Variants in TNFSF4 observed in about 807,000 individuals in gnomAD.
TNFSF4 encodes the protein tumor necrosis factor ligand superfamily member 4.
Under a neutral mutation model 7.3 loss-of-function variants are expected in TNFSF4, and 4 were observed. The observed-to-expected ratio is 0.55, with a 90% CI of 0.27 to 1.25. The LOEUF is 1.25. Ranked by LOEUF, TNFSF4 falls within the 50% of genes most tolerant of loss-of-function variation. The pLI is 0.12. For missense variants in TNFSF4, 181 were observed against 208.8 expected (o/e 0.87, Z 0.82); for synonymous variants, 76 against 83.7 (o/e 0.91, Z 0.50).
At chr1:173,357,700 T>C in the TNFSF4 span, among the ~76,000 whole-genome samples, 1 of 152,048 alleles carries the variant, frequency 6.6e-6, no homozygotes, top group African/African-American at 2.4e-5. Context: ...CCTAGCTAAT[T>C]TTTGTATTTT....
At chr1:173,337,316 T>C in the TNFSF4 span, among the ~76,000 whole-genome samples, 1 of 152,120 alleles carries the variant, frequency 6.6e-6, no homozygotes, top group Non-Finnish European at 1.5e-5. Context: ...AAGATCCCCA[T>C]CATGAATTGG....
chr1:173,366,069 G>A, the TNFSF4 span, among the ~76,000 whole-genome samples: 3 of 152,118 alleles, frequency 2.0e-5, no homozygotes, highest in African/African-American at 7.2e-5. Context: ...ACAATTTAGA[G>A]GTTCCTCAAA....
the TNFSF4 span, among the ~76,000 whole-genome samples, chr1:173,419,887 T>C: frequency 6.6e-6 from 1 of 152,056 alleles, no homozygotes; most frequent in Non-Finnish European, 1.5e-5. Context: ...TCCCTGATTT[T>C]GACCTTAGTT....
At chr1:173,369,054 C>T in the TNFSF4 span, among the ~76,000 whole-genome samples, 1 of 152,146 alleles carries the variant, frequency 6.6e-6, no homozygotes, top group East Asian at 1.9e-4. Flanking sequence ...CTCAGACTAG[C>T]AGGCCTAAAA....
At chr1:173,279,608 A>G in the TNFSF4 span, among the ~76,000 whole-genome samples, 1 of 152,134 alleles carries the variant, frequency 6.6e-6, no homozygotes, top group Non-Finnish European at 1.5e-5. Context: ...GTTTTCTAAC[A>G]GTAGTAGAAA....
the TNFSF4 span, among the ~76,000 whole-genome samples, chr1:173,270,521 A>G: frequency 6.6e-6 from 1 of 150,424 alleles, no homozygotes. Flanking sequence ...ATGATCATCT[A>G]GAAGAGTGAG....
the TNFSF4 span, among the ~76,000 whole-genome samples, chr1:173,278,772 G>A: frequency 3.3e-5 from 5 of 152,098 alleles, no homozygotes; most frequent in South Asian, 2.1e-4. Context: ...AAGCATTCTC[G>A]AAATAAATTG....
intron 1 of TNFSF4, among the ~76,000 whole-genome samples, chr1:173,202,631 G>C (rs1649993990): frequency 2.0e-5 from 3 of 152,156 alleles, no homozygotes; most frequent in Non-Finnish European, 4.4e-5. Context: ...AAAATTTGGA[G>C]AGGTAACAAT....
chr1:173,313,175 A>G, the TNFSF4 span, among the ~76,000 whole-genome samples: 8 of 152,110 alleles, frequency 5.3e-5, no homozygotes, highest in African/African-American at 1.9e-4. Flanking sequence ...TACATAAAAG[A>G]TCTTGATACA....
At chr1:173,240,027 T>C in the TNFSF4 span, among the ~76,000 whole-genome samples, 1 of 151,864 alleles carries the variant, frequency 6.6e-6, no homozygotes, top group South Asian at 2.1e-4. Flanking sequence ...CACGACTCTG[T>C]CTCAAAAAAA....
rs1052537831 is a variant in TNFSF4 at position 173,200,818 on chromosome 1, G to T, written c.153+6206C>A. On this transcript the variant is annotated intron_variant, in intron 1 of 2. Transcript: ENST00000281834. ...CTGTACAATATAGTACTTTGGGAAT[G>T]AAGGCTCTCTAACCACAAGATCTTA... Among the ~76,000 whole-genome samples the T allele has an allele frequency of 6.6e-5, 10 of 152,192 alleles. No individual in the cohort carries two copies. The East Asian group carries it at 1.7e-3, about 26-fold the overall frequency.
the TNFSF4 span, among the ~76,000 whole-genome samples, chr1:173,372,191 T>C: frequency 6.6e-6 from 1 of 152,216 alleles, no homozygotes; most frequent in African/African-American, 2.4e-5. Context: ...GAAGACAGCC[T>C]ATACTGGCTT....
the TNFSF4 span, among the ~76,000 whole-genome samples, chr1:173,356,997 T>C: frequency 0.3 from 46,262 of 152,106 alleles, 7,235 homozygotes; most frequent in East Asian, 0.35. Flanking sequence ...GGGACCCATT[T>C]GGCCTATTAT....
At chr1:173,221,570 T>C in the TNFSF4 span, among the ~76,000 whole-genome samples, 1 of 152,170 alleles carries the variant, frequency 6.6e-6, no homozygotes, top group African/African-American at 2.4e-5. Flanking sequence ...TGTACATCAT[T>C]GGGCTGAGTA....
chr1:173,341,997 G>T, the TNFSF4 span, among the ~76,000 whole-genome samples: 1 of 152,010 alleles, frequency 6.6e-6, no homozygotes, highest in Non-Finnish European at 1.5e-5. Flanking sequence ...GCTTCTCTAG[G>T]GTATGGTCAT....
chr1:173,355,752 T>G, the TNFSF4 span, among the ~76,000 whole-genome samples: 2 of 152,244 alleles, frequency 1.3e-5, no homozygotes, highest in African/African-American at 4.8e-5. Flanking sequence ...GTTGAATCCC[T>G]TCCATTATGC....
the TNFSF4 span, among the ~76,000 whole-genome samples, chr1:173,419,167 A>G: frequency 5.6e-3 from 845 of 152,118 alleles, 8 homozygotes; most frequent in Admixed American, 0.013. Flanking sequence ...GTGAAACCCC[A>G]TCTCTACCAA....
the TNFSF4 span, among the ~76,000 whole-genome samples, chr1:173,320,170 G>C: frequency 1.3e-5 from 2 of 152,158 alleles, no homozygotes; most frequent in African/African-American, 2.4e-5. Context: ...ATGCAAGGCT[G>C]GTTCAACACA....
At chr1:173,174,118 T>G in the TNFSF4 span, among the ~76,000 whole-genome samples, 1 of 152,126 alleles carries the variant, frequency 6.6e-6, no homozygotes, top group South Asian at 2.1e-4. Flanking sequence ...GTTCCACAGA[T>G]CTCTAGAGCA....
Sources: gnomAD v4.1 joint callset for allele counts (sites outside exome capture counted in the v4.1 genomes callset) on GRCh38, gnomAD v4.1.1 for gene constraint, MANE v1.5 for transcripts, NCBI Gene and HGNC (gene_info 2026-07-23, HGNC 2026-07-21) for gene names.